DGKH: variants seen among roughly 807,000 people sequenced by gnomAD.
DGKH encodes the protein diacylglycerol kinase eta, also known as DAG kinase eta.
In DGKH, 90 loss-of-function variants were observed where a neutral mutation model predicts 159.3. The observed-to-expected ratio is 0.57, with a 90% CI of 0.48 to 0.67. The LOEUF is 0.67. DGKH is among the 30% of genes least tolerant of loss of function. The pLI is 0.00. For synonymous variants in DGKH, 536 were observed against 553.8 expected (o/e 0.97, Z 0.45); for missense variants, 1,181 against 1,506.1 (o/e 0.78, Z 3.57).
intron 1 of DGKH, chr13:42,071,097 G>T: frequency 1.9e-6 from 2 of 1,026,356 alleles, no homozygotes; most frequent in South Asian, 3.5e-5. Flanking sequence ...CTGCCACTTT[G>T]AAACCCTTAT....
At chr13:42,188,951 A>G in intron 14 of DGKH, 85 bp from the exon 15 acceptor site, 1 of 1,465,948 alleles carries the variant, frequency 6.8e-7, no homozygotes, top group South Asian at 1.4e-5. Flanking sequence ...AACTTTCAAA[A>G]CATCTCTATA....
Position 42,235,048 on chromosome 13 carries a change from A to G in DGKH, c.*5860A>G, listed in dbSNP as rs961498498. 2 of 152,194 alleles carry G rather than the reference A, an allele frequency of 1.3e-5. No individual in the cohort carries two copies. The highest frequency in any genetic ancestry group is 1.3e-4 in the Admixed American group (2 of 15,276). The allele number at this position is 152,194 out of a possible 1,614,324, so 9.4% of individuals were successfully genotyped here. A position where few individuals can be genotyped will look rare whatever the true frequency, so the allele number is the denominator to read the frequency against. On this transcript the variant is annotated 3_prime_UTR_variant, in exon 30 of 30. Coordinates refer to ENST00000337343, the MANE Select transcript of DGKH (RefSeq NM_178009.5). ...AAAAACTATAAAGTTTTATCATTGT[A>G]GAGAACAGAGAGATCAAAGACAGCT...
At chr13:42,183,252 G>C (rs564942210) in intron 13 of DGKH, among the ~76,000 whole-genome samples, 1 of 151,606 alleles carries the variant, frequency 6.6e-6, no homozygotes, top group Non-Finnish European at 1.5e-5. Flanking sequence ...TCACGCCATT[G>C]CACTCCAATC....
intron 3 of DGKH, among the ~76,000 whole-genome samples, chr13:42,138,911 C>T (rs1163014801): frequency 1.3e-5 from 2 of 152,040 alleles, no homozygotes; most frequent in Non-Finnish European, 2.9e-5. Context: ...GATTTAAGTA[C>T]AATTTAGATG....
intron 9 of DGKH, among the ~76,000 whole-genome samples, chr13:42,168,141 T>C (rs1956355210): frequency 6.6e-6 from 1 of 152,250 alleles, no homozygotes; most frequent in African/African-American, 2.4e-5. Flanking sequence ...GAACCACTAC[T>C]TCCACCATCT....
chr13:42,109,965 A>G (rs1012858437), intron 1 of DGKH, among the ~76,000 whole-genome samples: 9 of 152,172 alleles, frequency 5.9e-5, no homozygotes, highest in Admixed American at 1.3e-4. Flanking sequence ...ATCTATATCT[A>G]TCTATCTATG....
intron 1 of DGKH, among the ~76,000 whole-genome samples, chr13:42,086,074 C>T (rs1954295679): frequency 1.3e-5 from 2 of 152,052 alleles, no homozygotes; most frequent in African/African-American, 4.8e-5. Flanking sequence ...TGCACCACTA[C>T]ACCCACCTAA....
Position 42,127,434 on chromosome 13 carries a change from C to T in DGKH, c.193-29C>T, listed in dbSNP as rs540298428. 4.3e-5 allele frequency: 64 copies of T among 1,497,846 alleles called. 1 individual carries two copies. The highest frequency in any genetic ancestry group is 4.2e-4 in the South Asian group (37 of 87,096). 92.8% of individuals were successfully genotyped at this position (1,497,846 alleles called of 1,614,324 possible). A position where few individuals can be genotyped will look rare whatever the true frequency, so the allele number is the denominator to read the frequency against. On this transcript the variant is annotated intron_variant, in intron 1 of 29. Coordinates refer to ENST00000337343, the MANE Select transcript of DGKH (RefSeq NM_178009.5). ...ATTTGGTTTTGAATTTCATTTTAAT[C>T]GTGTCATTGTGCTTCTGCTTCTCTC...
intron 26 of DGKH, among the ~76,000 whole-genome samples, chr13:42,216,244 C>T (rs941934430): frequency 1.3e-5 from 2 of 152,206 alleles, no homozygotes; most frequent in Admixed American, 6.5e-5. Flanking sequence ...GTTAGCAGCA[C>T]GAGTTAGCCT....
chr13:42,186,033 GTGTGTGTGTGTGTGTGTA>G (rs1282264306), intron 13 of DGKH, among the ~76,000 whole-genome samples: 4 of 148,182 alleles, frequency 2.7e-5, no homozygotes, highest in South Asian at 2.1e-4. Context: ...GTGTGTGTGT[GTGTGTGTGTGTGTGTGTA>G]TGTCCTGTGT....
chr13:42,157,298 C>T (rs1458198272), intron 5 of DGKH, among the ~76,000 whole-genome samples: 2 of 152,000 alleles, frequency 1.3e-5, no homozygotes, highest in Admixed American at 1.3e-4. Context: ...ATCTTTATTC[C>T]AAAAATGCTG....
intron 1 of DGKH, among the ~76,000 whole-genome samples, chr13:42,102,030 G>C (rs1594029246): frequency 6.6e-6 from 1 of 152,214 alleles, no homozygotes; most frequent in East Asian, 1.9e-4. Flanking sequence ...CCTTAGTGAA[G>C]GTTTCTAACC....
intron 5 of DGKH, among the ~76,000 whole-genome samples, chr13:42,157,434 A>G (rs1027061512): frequency 6.6e-6 from 1 of 152,222 alleles, no homozygotes; most frequent in Non-Finnish European, 1.5e-5. Context: ...AGCATTTTAA[A>G]AGAAAAATGA....
intron 9 of DGKH, among the ~76,000 whole-genome samples, chr13:42,167,384 C>T (rs1956339061): frequency 2.0e-5 from 3 of 152,172 alleles, no homozygotes; most frequent in South Asian, 4.1e-4. Flanking sequence ...AGCATGAACA[C>T]GGAAGTAGAA....
At chr13:42,070,585 C>G (rs1882897558) in intron 1 of DGKH, 2 of 1,591,632 alleles carry the variant, frequency 1.3e-6, no homozygotes, top group African/African-American at 1.4e-5. Context: ...ACCAAAGTCG[C>G]CTATCTTCAG....
intron 30 of DGKH, chr13:42,256,079 G>A: frequency 7.9e-7 from 1 of 1,266,012 alleles, no homozygotes; most frequent in Non-Finnish European, 1.2e-6. Flanking sequence ...GATCTTGCCT[G>A]AAAATGAACC....
chr13:42,176,213 TATTA>T (rs1000449750), intron 12 of DGKH, among the ~76,000 whole-genome samples: 7 of 152,230 alleles, frequency 4.6e-5, no homozygotes, highest in East Asian at 3.8e-4. Context: ...AATCAAATGT[TATTA>T]ATTAATACAT....
At chr13:42,103,872 G>T (rs1176597937) in intron 1 of DGKH, among the ~76,000 whole-genome samples, 1 of 152,168 alleles carries the variant, frequency 6.6e-6, no homozygotes, top group Non-Finnish European at 1.5e-5. Flanking sequence ...GGGTAGTCTT[G>T]CACCTCTTCC....
intron 1 of DGKH, among the ~76,000 whole-genome samples, chr13:42,041,989 G>GCTCCTTTGCCCAGAGTAC (rs1003087154): frequency 1.3e-5 from 2 of 152,152 alleles, no homozygotes; most frequent in Non-Finnish European, 2.9e-5. Flanking sequence ...TACGCTCTCA[G>GCTCCTTTGCCCAGAGTAC]CTCCTTTGCC....
Sources: allele counts gnomAD v4.1 joint callset (sites outside exome capture counted in the v4.1 genomes callset), GRCh38; gene constraint gnomAD v4.1.1; transcripts MANE v1.5; gene names NCBI Gene and HGNC (gene_info 2026-07-23, HGNC 2026-07-21).